Variants in FAM199X observed in about 807,000 individuals in gnomAD.
The protein encoded by FAM199X is family with sequence similarity 199, X-linked, also known as protein FAM199X.
A neutral mutation model predicts 22.9 loss-of-function variants in FAM199X; 4 were observed. That is an observed-to-expected ratio of 0.17 (90% CI 0.09 to 0.40). The LOEUF is 0.40. Ranked by LOEUF, FAM199X falls within the 10% of genes least tolerant of loss-of-function variation. The pLI, the probability that FAM199X is intolerant of heterozygous loss-of-function variation, is 1.00. For synonymous variants in FAM199X, 101 were observed against 112.3 expected (o/e 0.90, Z 0.64); for missense variants, 183 against 306.8 (o/e 0.60, Z 3.01).
chrX:104,187,362 G>A (rs1159404953), intron 4 of FAM199X, among the ~76,000 whole-genome samples: 1 of 112,025 alleles, frequency 8.9e-6, no homozygotes, highest in Non-Finnish European at 1.9e-5. Context: ...GATTACAGGC[G>A]TGAGCCGCTG....
At chrX:104,164,047 TAAAC>T (rs1391063779), upstream of FAM199X, among the ~76,000 whole-genome samples, 2 of 112,546 alleles carry the variant, frequency 1.8e-5, no homozygotes, top group Non-Finnish European at 3.7e-5. Context: ...TTCTTAAATG[TAAAC>T]AAACATTAAA....
intron 4 of FAM199X, among the ~76,000 whole-genome samples, chrX:104,187,374 A>G (rs1362226709): frequency 8.9e-6 from 1 of 111,843 alleles, no homozygotes; most frequent in African/African-American, 3.3e-5. Flanking sequence ...GAGCCGCTGC[A>G]CCTGGCCTCT....
Position 104,186,086 on chromosome X carries a change from C to T in FAM199X, c.438C>T (p.Ala146=), listed in dbSNP as rs1311364170. The change falls in exon 3 of 6, where the codon GCC becomes GCT. Residue 146 remains alanine, a synonymous_variant. Coordinates refer to ENST00000493442, the MANE Select transcript of FAM199X (RefSeq NM_207318.4). ...FEWQLPGSDI[A]SGSDVLSDVI... is the part of the protein sequence containing the mutation. ...TAAAGTTACCAGGCAGTGACATTGC[C>T]AGTGGGAGTGATGTACTTTCTGATG... 4 of 1,207,012 alleles carry T rather than the reference C, an allele frequency of 3.3e-6. No individual in the cohort carries two copies. Among genetic ancestry groups the T allele is most frequent in the Non-Finnish European group, 4.5e-6 (4 of 894,199 alleles).
At chrX:104,179,354 C>G (rs139118336) in intron 2 of FAM199X, among the ~76,000 whole-genome samples, 1,546 of 111,743 alleles carry the variant, frequency 0.014, 16 homozygotes, top group Non-Finnish European at 0.018. Context: ...GTCTTACACT[C>G]TCTTGGTTGA....
In FAM199X at chrX:104,188,189, A is replaced by G; in HGVS notation, c.879A>G (p.Ala293=). The G allele has an allele frequency of 4.1e-6, 5 of 1,212,296 alleles. No individual in the cohort carries two copies. Among genetic ancestry groups the G allele is most frequent in the Non-Finnish European group, 5.6e-6 (5 of 895,650 alleles). Residue 293 remains alanine, a synonymous_variant, in exon 5 of 6, where the codon GCA becomes GCG. Transcript: ENST00000493442. ...SSSSASMVSS[A]SSSGSSVGNS... Reference sequence around the variant, plus strand: ...GCAGTGCCAGCATGGTCAGTTCTGCAAGCAGCAGTGGGTCCAGTGTTGGAA... The same window carrying G: ...GCAGTGCCAGCATGGTCAGTTCTGCGAGCAGCAGTGGGTCCAGTGTTGGAA...
chrX:104,165,689 TAGAGA>T (rs1310452636), upstream of FAM199X, among the ~76,000 whole-genome samples: 5 of 111,099 alleles, frequency 4.5e-5, no homozygotes, highest in Non-Finnish European at 3.8e-5. Context: ...GCCCAGAATA[TAGAGA>T]AGAGAGATGA....
In FAM199X at chrX:104,166,502, CGGCGGCGCTGCGCTGACG is replaced by C. The variant is rs1921191773; in HGVS notation, c.-280_-263del. ...GCGGGGCGGGCCTGGCCGGGCCGGG[CGGCGGCGCTGCGCTGACG>C]GGCTGAGTCTGGCGGCGGCGGAAGC... On this transcript the variant is annotated 5_prime_UTR_variant, in exon 1 of 6. Transcript: ENST00000493442. The C allele has an allele frequency of 1.1e-5, 2 of 184,430 alleles. No homozygotes were observed. The highest frequency in any genetic ancestry group is 1.6e-4 in the Admixed American group (2 of 12,729). The allele number at this position is 184,430 out of a possible 1,213,427, so 15.2% of individuals were successfully genotyped here. A position where few individuals can be genotyped will look rare whatever the true frequency, so the allele number is the denominator to read the frequency against.
intron 1 of FAM199X, among the ~76,000 whole-genome samples, chrX:104,172,484 A>G (rs983000387): frequency 5.4e-5 from 6 of 110,769 alleles, no homozygotes; most frequent in African/African-American, 2.0e-4. Context: ...CTGTTATTCT[A>G]TTTTATGAAT....
At position 104,195,340 on chromosome X, in the gene FAM199X, A is replaced by T. The variant is rs1175369091; in HGVS notation, c.*5562A>T. The T allele has an allele frequency of 5.4e-5, 6 of 111,446 alleles. No individual in the cohort carries two copies. The highest frequency in any genetic ancestry group is 1.1e-4 in the Non-Finnish European group (6 of 53,086). 9.2% of individuals were successfully genotyped at this position (111,446 alleles called of 1,213,427 possible). ...AGAACTGCTCCCTTTTCTGTTTCTC[A>T]CAGTTTGGTTATGGCTTTATAAACT... On this transcript the variant is annotated 3_prime_UTR_variant, in exon 6 of 6. Coordinates refer to ENST00000493442, the MANE Select transcript of FAM199X (RefSeq NM_207318.4).
At chrX:104,174,869 C>T (rs1556376098) in intron 1 of FAM199X, among the ~76,000 whole-genome samples, 1 of 111,601 alleles carries the variant, frequency 9.0e-6, no homozygotes, top group East Asian at 2.8e-4. Context: ...TTATTCATTC[C>T]TTTCTTTCCA....
Position 104,186,449 on chromosome X carries a change from T to C in FAM199X, c.568-11T>C. On this transcript the variant is annotated splice_polypyrimidine_tract_variant and intron_variant, in intron 3 of 5. Transcript: ENST00000493442. The stretch of plus-strand genomic sequence containing the variant: ...TAGCAATGATCTTATTGTAATTTTT[T>C]CATCACATAGGTGGAATATATTGAG... 1 of 1,201,283 alleles carries C rather than the reference T, an allele frequency of 8.3e-7. No homozygotes were observed.
At chrX:104,159,730 T>C in the FAM199X span, among the ~76,000 whole-genome samples, 1 of 111,963 alleles carries the variant, frequency 8.9e-6, no homozygotes, top group Admixed American at 9.5e-5. Flanking sequence ...GGGTATTAGC[T>C]GATGAATACA....
chrX:104,186,246 T>G (rs782780881), intron 3 of FAM199X, 31 bp downstream of exon 3: 1 of 1,191,437 alleles, frequency 8.4e-7, no homozygotes. Flanking sequence ...AATTAAAAGC[T>G]TTTATGTGGA....
chrX:104,162,087 C>T (rs782237715), upstream of FAM199X, among the ~76,000 whole-genome samples: 2 of 111,759 alleles, frequency 1.8e-5, no homozygotes, highest in African/African-American at 6.5e-5. Flanking sequence ...TGCAAAAGTT[C>T]ACACCCAGGT....
intron 2 of FAM199X, among the ~76,000 whole-genome samples, chrX:104,184,047 A>T (rs1435064538): frequency 8.9e-6 from 1 of 112,186 alleles, no homozygotes; most frequent in Non-Finnish European, 1.9e-5. Flanking sequence ...TTAATCCTGC[A>T]GCTTCAGCCC....
At chrX:104,178,387 G>A (rs782418997) in intron 2 of FAM199X, among the ~76,000 whole-genome samples, 2 of 111,243 alleles carry the variant, frequency 1.8e-5, no homozygotes, top group East Asian at 5.7e-4. Flanking sequence ...GGCTGGTCTT[G>A]AACTCCTGAC....
At chrX:104,179,204 A>C (rs1450599611) in intron 2 of FAM199X, among the ~76,000 whole-genome samples, 2 of 112,121 alleles carry the variant, frequency 1.8e-5, no homozygotes, top group African/African-American at 6.5e-5. Context: ...GGTAGAGATC[A>C]CATTGAATCT....
intron 1 of FAM199X, among the ~76,000 whole-genome samples, chrX:104,172,946 A>G (rs1369041387): frequency 4.5e-5 from 5 of 111,731 alleles, no homozygotes; most frequent in African/African-American, 1.3e-4. Flanking sequence ...GACATAATGT[A>G]GATAAGGCTT....
chrX:104,181,978 T>TTTTC (rs1556377969), intron 2 of FAM199X, among the ~76,000 whole-genome samples: 1 of 107,559 alleles, frequency 9.3e-6, no homozygotes, highest in Non-Finnish European at 1.9e-5. Flanking sequence ...TTTTTTTCTT[T>TTTTC]TTTCTTTTTT....
Sources: gnomAD v4.1 joint callset for allele counts (sites outside exome capture counted in the v4.1 genomes callset) on GRCh38, gnomAD v4.1.1 for gene constraint, MANE v1.5 for transcripts, NCBI Gene and HGNC (gene_info 2026-07-23, HGNC 2026-07-21) for gene names.